Variants in EXO1 observed in about 807,000 individuals in gnomAD.
The protein encoded by EXO1 is exonuclease 1.
In EXO1, 69 loss-of-function variants were observed where a neutral mutation model predicts 84.5. The ratio of observed to expected loss-of-function variants is 0.82; its 90% CI spans 0.67 to 1.00. The LOEUF is 1.00. EXO1 is among the 50% of genes least tolerant of loss of function. The probability of loss-of-function intolerance (pLI) is 0.00; values close to 1 mark genes in which losing one functional copy is unlikely to be tolerated. For missense variants in EXO1, 1,045 were observed against 1,000.7 expected (o/e 1.04, Z -0.60); for synonymous variants, 373 against 366.1 (o/e 1.02, Z -0.21).
intron 10 of EXO1, among the ~76,000 whole-genome samples, chr1:241,863,319 A>C (rs961302068): frequency 1.3e-5 from 2 of 151,938 alleles, no homozygotes; most frequent in South Asian, 4.1e-4. Context: ...TTCCAAGCCA[A>C]GTTCTCTACT....
chr1:241,875,705 C>G (rs576813834), intron 12 of EXO1, among the ~76,000 whole-genome samples: 1 of 152,112 alleles, frequency 6.6e-6, no homozygotes. Context: ...GGTGAAACCC[C>G]ATCTCTACTA....
intron 12 of EXO1, among the ~76,000 whole-genome samples, chr1:241,873,827 G>C (rs991689430): frequency 6.6e-6 from 1 of 152,164 alleles, no homozygotes; most frequent in Non-Finnish European, 1.5e-5. Context: ...TGAGTGTTGG[G>C]TGTCCCTGCC....
At chr1:241,871,916 T>G (rs547477646) in intron 11 of EXO1, 116 bp from the exon 12 acceptor site, 4 of 727,992 alleles carry the variant, frequency 5.5e-6, no homozygotes, top group East Asian at 5.5e-5. Flanking sequence ...GCATAGTTTT[T>G]TTTTTTTTTT....
intron 10 of EXO1, among the ~76,000 whole-genome samples, chr1:241,866,020 A>G (rs1178527070): frequency 6.6e-6 from 1 of 152,100 alleles, no homozygotes; most frequent in Non-Finnish European, 1.5e-5. Context: ...TGTCTTTGCT[A>G]ATTTTTTCCC....
intron 7 of EXO1, 37 bp downstream of exon 7, chr1:241,857,519 G>A (rs1408638994): frequency 8.0e-6 from 12 of 1,498,050 alleles, no homozygotes; most frequent in African/African-American, 6.9e-5. Context: ...ACTTTTCTAT[G>A]TAGATAGTAG....
intron 9 of EXO1, 100 bp downstream of exon 9, chr1:241,860,804 T>G: frequency 1.1e-6 from 1 of 928,262 alleles, no homozygotes; most frequent in Non-Finnish European, 1.7e-6. Context: ...TTGCACATTA[T>G]TTTTTGCTCT....
chr1:241,863,965 C>CT (rs890696746), intron 10 of EXO1, among the ~76,000 whole-genome samples: 4 of 151,922 alleles, frequency 2.6e-5, no homozygotes, highest in African/African-American at 9.7e-5. Flanking sequence ...TTTAATTGTA[C>CT]TTTTTTTTGA....
At chr1:241,889,239 A>G (rs1180843194) in intron 15 of EXO1, among the ~76,000 whole-genome samples, 1 of 152,182 alleles carries the variant, frequency 6.6e-6, no homozygotes, top group African/African-American at 2.4e-5. Context: ...CAGCACCTAC[A>G]CTGAATAGTG....
chr1:241,854,982 C>G (rs1357898799), intron 6 of EXO1, among the ~76,000 whole-genome samples: 2 of 152,168 alleles, frequency 1.3e-5, no homozygotes, highest in South Asian at 2.1e-4. Context: ...CGCGGTCTTG[C>G]TGGCTTTAGG....
intron 12 of EXO1, among the ~76,000 whole-genome samples, chr1:241,873,979 G>A (rs1274214007): frequency 6.6e-6 from 1 of 152,164 alleles, no homozygotes; most frequent in South Asian, 2.1e-4. Context: ...GTGCTGTGAT[G>A]ACCTCTGTCA....
chr1:241,861,597 C>T (rs768331195), intron 10 of EXO1, 95 bp downstream of exon 10: 63 of 766,786 alleles, frequency 8.2e-5, no homozygotes, highest in African/African-American at 5.1e-5. Context: ...TTCTTTTAAG[C>T]GTTTCTATAT....
At chr1:241,856,275 T>C (rs1574138515) in intron 6 of EXO1, among the ~76,000 whole-genome samples, 7 of 151,302 alleles carry the variant, frequency 4.6e-5, no homozygotes, top group African/African-American at 1.7e-4. Flanking sequence ...TTTTTTTTTT[T>C]TAACTTCCCA....
At chr1:241,858,947 A>T (rs1294208913) in intron 8 of EXO1, among the ~76,000 whole-genome samples, 1 of 152,226 alleles carries the variant, frequency 6.6e-6, no homozygotes, top group Admixed American at 6.5e-5. Flanking sequence ...AACAAAGACT[A>T]GTATAAAGAG....
chr1:241,852,546 G>T, intron 5 of EXO1, 135 bp downstream of exon 5: 2 of 761,034 alleles, frequency 2.6e-6, no homozygotes, highest in Admixed American at 3.7e-5. Context: ...TCGGGAGGTT[G>T]AGGCAAGAGG....
chr1:241,873,730 A>C (rs1304281207), intron 12 of EXO1, among the ~76,000 whole-genome samples: 1 of 152,174 alleles, frequency 6.6e-6, no homozygotes, highest in African/African-American at 2.4e-5. Flanking sequence ...GTGAGTACAG[A>C]GATAAAGGCA....
Position 241,850,494 on chromosome 1 carries a change from A to G in EXO1, c.69A>G (p.Lys23=). Residue 23 remains lysine (K), a synonymous_variant, in exon 4 of 16, where the codon AAA becomes AAG. Transcript: ENST00000366548. ...ASEPIHVRKY[K]GQVVAVDTYC... is the part of the protein sequence containing the mutation. ...AACCCATCCATGTGAGGAAGTATAA[A>G]GGGCAGGTAGTAGCTGTGGATACAT... is the stretch of plus-strand genomic sequence containing the variant. 1.9e-6 allele frequency: 3 copies of G among 1,613,942 alleles called. No individual in the cohort carries two copies. The highest frequency in any genetic ancestry group is 2.5e-6 in the Non-Finnish European group (3 of 1,179,802).
At position 241,885,361 on chromosome 1, in the gene EXO1, C is replaced by A. The variant is rs931831280; in HGVS notation, c.2259C>A (p.Thr753=). 9.3e-6 allele frequency: 15 copies of A among 1,613,730 alleles called. No individual in the cohort carries two copies. Among genetic ancestry groups the A allele is most frequent in the African/African-American group, 1.3e-5 (1 of 74,870 alleles). Residue 753 remains threonine, a synonymous_variant, in exon 15 of 16, where the codon ACC becomes ACA. Transcript: ENST00000366548. ...GTTCTGCAGACTCTCTTTCTACAAC[C>A]AAGATCAAACCTCTAGGACCTGCCA... The part of the protein sequence containing the change: ...KSSSADSLST[T]KIKPLGPARA...
intron 13 of EXO1, 50 bp downstream of exon 13, chr1:241,879,393 A>G (rs1662611334): frequency 8.9e-7 from 1 of 1,121,330 alleles, no homozygotes; most frequent in Non-Finnish European, 1.3e-6. Context: ...GTAAGAAAAA[A>G]TAGATTGTTG....
chr1:241,878,759 A>T lies in EXO1; in HGVS notation c.1525A>T (p.Ser509Cys). 6.2e-7 allele frequency: 1 copy of T among 1,609,580 alleles called. No individual in the cohort carries two copies. Among genetic ancestry groups the T allele is most frequent in the East Asian group, 2.2e-5 (1 of 44,808 alleles). The change falls in exon 13 of 16, where the codon AGT becomes TGT. Residue 509 changes from serine (S) to cysteine (C), a missense_variant. Physicochemically the swap from Ser to Cys is moderately radical, Grantham distance 112 (BLOSUM62 -1). Transcript: ENST00000366548. Reference sequence around the variant, plus strand: ...TGCTTTTTTTATTAGGTTTTTTTGCAGTTCAGATTCTACTGACTGTGTATC... The same window carrying T: ...TGCTTTTTTTATTAGGTTTTTTTGCTGTTCAGATTCTACTGACTGTGTATC... Reference protein sequence around the residue: ...VPGTRSRFFCSSDSTDCVSNK... With the variant: ...VPGTRSRFFCCSDSTDCVSNK...
Sources: allele counts gnomAD v4.1 joint callset (sites outside exome capture counted in the v4.1 genomes callset), GRCh38; gene constraint gnomAD v4.1.1; transcripts MANE v1.5; gene names NCBI Gene and HGNC (gene_info 2026-07-23, HGNC 2026-07-21).